ZFHX3: variants seen among roughly 807,000 people sequenced by gnomAD.
ZFHX3 encodes zinc finger homeobox protein 3.
In ZFHX3, 42 loss-of-function variants were observed where a neutral mutation model predicts 279.1. That is an observed-to-expected ratio of 0.15 (90% CI 0.12 to 0.19). The LOEUF (loss-of-function observed/expected upper bound fraction) is 0.19, where lower values mean the gene tolerates loss of function less well. Ranked by LOEUF, ZFHX3 falls within the 10% of genes least tolerant of loss-of-function variation. The pLI is 1.00. For synonymous variants in ZFHX3, 2,293 were observed against 1,957.8 expected, an observed-to-expected ratio of 1.17 and a Z score of -4.52; for missense variants, 4,981 against 4,754.0, an observed-to-expected ratio of 1.05 and a Z score of -1.40.
intron 2 of ZFHX3, among the ~76,000 whole-genome samples, chr16:73,538,655 CT>C (rs1229622554): frequency 2.6e-5 from 4 of 152,170 alleles, no homozygotes; most frequent in Non-Finnish European, 4.4e-5. Flanking sequence ...TGCGCAGCCC[CT>C]AATTCCTCAC....
intron 5 of ZFHX3, among the ~76,000 whole-genome samples, chr16:72,828,339 A>G (rs911071448): frequency 2.0e-5 from 3 of 152,178 alleles, no homozygotes; most frequent in African/African-American, 7.2e-5. Context: ...CTGTCCCCTA[A>G]GTCTTCTCTG....
intron 5 of ZFHX3, among the ~76,000 whole-genome samples, chr16:73,180,182 G>C (rs561301607): frequency 1.3e-5 from 2 of 152,124 alleles, no homozygotes; most frequent in Non-Finnish European, 2.9e-5. Context: ...CCAACTCTTG[G>C]ACCCAGGGGT....
intron 3 of ZFHX3, among the ~76,000 whole-genome samples, chr16:73,428,083 G>A (rs778404380): frequency 7.9e-5 from 12 of 152,064 alleles, no homozygotes; most frequent in Admixed American, 5.2e-4. Context: ...CTACTAAGCC[G>A]GGTCCCTTTG....
chr16:72,963,058 G>C (rs543200866), intron 1 of ZFHX3, among the ~76,000 whole-genome samples: 1 of 152,242 alleles, frequency 6.6e-6, no homozygotes, highest in East Asian at 1.9e-4. Context: ...AACTCGGCAG[G>C]TCGATCAGCA....
chr16:73,333,883 A>G (rs2015855653), intron 3 of ZFHX3, among the ~76,000 whole-genome samples: 2 of 150,568 alleles, frequency 1.3e-5, no homozygotes, highest in Middle Eastern at 3.5e-3. Flanking sequence ...GTTAAGGACC[A>G]CAGCTGACTT....
upstream of ZFHX3, among the ~76,000 whole-genome samples, chr16:73,064,508 C>CTT (rs959939722): frequency 2.1e-5 from 3 of 145,054 alleles, no homozygotes; most frequent in African/African-American, 7.6e-5. Context: ...GGGAACAAGC[C>CTT]TTTTTTTTTT....
At chr16:73,028,803 C>T (rs992827967) in intron 1 of ZFHX3, among the ~76,000 whole-genome samples, 68 of 152,174 alleles carry the variant, frequency 4.5e-4, no homozygotes, top group African/African-American at 1.6e-3. Context: ...CCAAAATTTG[C>T]CTAATTGAAC....
chr16:73,834,656 GC>G (rs1489377026), intron 1 of ZFHX3, among the ~76,000 whole-genome samples: 3 of 152,170 alleles, frequency 2.0e-5, no homozygotes, highest in African/African-American at 7.2e-5. Context: ...ATTTTGGGAG[GC>G]CCAGGCGGGC....
intron 1 of ZFHX3, among the ~76,000 whole-genome samples, chr16:73,683,658 C>T (rs2053049750): frequency 1.3e-5 from 2 of 152,050 alleles, no homozygotes; most frequent in Non-Finnish European, 2.9e-5. Flanking sequence ...TCTCCTGCCT[C>T]AGCCTCCTGA....
At chr16:73,596,959 G>C (rs2052057146) in intron 2 of ZFHX3, among the ~76,000 whole-genome samples, 1 of 152,210 alleles carries the variant, frequency 6.6e-6, no homozygotes, top group South Asian at 2.1e-4. Flanking sequence ...TGACTCCTCA[G>C]TAAATGCCAA....
At chr16:73,409,046 A>G (rs1372149097) in intron 3 of ZFHX3, among the ~76,000 whole-genome samples, 2 of 152,224 alleles carry the variant, frequency 1.3e-5, no homozygotes, top group East Asian at 1.9e-4. Context: ...CCAGGGATTC[A>G]TTCATTTGGT....
chr16:73,810,236 C>T (rs529564853), intron 1 of ZFHX3, among the ~76,000 whole-genome samples: 8 of 152,326 alleles, frequency 5.3e-5, no homozygotes, highest in Admixed American at 2.6e-4. Flanking sequence ...AAAACTGAAG[C>T]TGTAGCTCTC....
chr16:73,869,896 G>A (rs907252316), intron 1 of ZFHX3, among the ~76,000 whole-genome samples: 1 of 152,146 alleles, frequency 6.6e-6, no homozygotes, highest in Non-Finnish European at 1.5e-5. Context: ...GAATCTTGGG[G>A]CCCCAGGACA....
chr16:73,333,731 C>T (rs2015851109), intron 3 of ZFHX3, among the ~76,000 whole-genome samples: 1 of 128,658 alleles, frequency 7.8e-6, no homozygotes, highest in African/African-American at 2.9e-5. Context: ...AGATCTGCTT[C>T]AAACAGAAAC....
intron 2 of ZFHX3, among the ~76,000 whole-genome samples, chr16:73,627,727 G>A (rs1001275536): frequency 6.6e-6 from 1 of 152,108 alleles, no homozygotes; most frequent in African/African-American, 2.4e-5. Context: ...GACTATCCTG[G>A]CTAACATGGT....
intron 2 of ZFHX3, among the ~76,000 whole-genome samples, chr16:72,952,388 C>T (rs1384207691): frequency 6.6e-6 from 1 of 152,226 alleles, no homozygotes; most frequent in African/African-American, 2.4e-5. Context: ...TGATCCTCTG[C>T]CCTGGGTGAC....
chr16:72,799,996 A>C, intron 8 of ZFHX3, 31 bp downstream of exon 8: 1 of 1,599,738 alleles, frequency 6.3e-7, no homozygotes, highest in Non-Finnish European at 8.6e-7. Context: ...TCTTGTTTCA[A>C]TTTCTTGGGG....
chr16:73,881,094 G>T (rs1365651355), intron 1 of ZFHX3, among the ~76,000 whole-genome samples: 1 of 152,126 alleles, frequency 6.6e-6, no homozygotes, highest in African/African-American at 2.4e-5. Context: ...GGTGGCTTTT[G>T]TGGAGTGTTT....
At position 73,463,496 on chromosome 16, in the gene ZFHX3, C is replaced by T. The variant is rs560270211; in HGVS notation, c.-1546-7238G>A. Among the ~76,000 whole-genome samples the T allele has an allele frequency of 3.6e-4, 55 of 152,324 alleles. 3 individuals are homozygous for T. The South Asian group carries it at 0.011, about 29-fold the overall frequency. The stretch of plus-strand genomic sequence containing the variant: ...AGATTTGAGCCTGGATCCCATTCAT[C>T]GTTTCTGGTATAACCTGTGCTTTTC... On this transcript the variant is annotated intron_variant, in intron 2 of 17. Transcript: ENST00000641206.
Sources: allele counts gnomAD v4.1 joint callset (sites outside exome capture counted in the v4.1 genomes callset), GRCh38; gene constraint gnomAD v4.1.1; transcripts MANE v1.5; gene names NCBI Gene and HGNC (gene_info 2026-07-23, HGNC 2026-07-21).